Variants in DRC11 observed in about 807,000 individuals in gnomAD.
The protein encoded by DRC11 is dynein regulatory complex subunit 11.
chr2:236,457,839 G>A, the DRC11 span, among the ~76,000 whole-genome samples: 2 of 152,220 alleles, frequency 1.3e-5, no homozygotes, highest in Non-Finnish European at 2.9e-5. This position sits in a 1 kb window ranked among gnomAD's most constrained non-coding sequence, Gnocchi z 4.7. Context: ...AGCCCTGCCA[G>A]CACCTTGATG....
At chr2:236,363,768 T>C in the DRC11 span, 8 of 1,589,202 alleles carry the variant, frequency 5.0e-6, no homozygotes, top group South Asian at 7.8e-5. The surrounding 1 kb of genome is among the most constrained non-coding windows in gnomAD (Gnocchi z 5.6). Context: ...AACCAAGAAA[T>C]GTAATCCATA....
At chr2:236,459,459 A>G in the DRC11 span, among the ~76,000 whole-genome samples, 1 of 149,626 alleles carries the variant, frequency 6.7e-6, no homozygotes. Flanking sequence ...TTGGAGAAAG[A>G]ATTCCTAAAA....
At chr2:236,331,467 T>C in the DRC11 span, 6 of 1,614,034 alleles carry the variant, frequency 3.7e-6, no homozygotes, top group Non-Finnish European at 5.1e-6. This position sits in a 1 kb window ranked among gnomAD's most constrained non-coding sequence, Gnocchi z 4.8. Flanking sequence ...TTCTCTGATC[T>C]GTGAGCACGC....
chr2:236,376,779 T>G, the DRC11 span, among the ~76,000 whole-genome samples: 1 of 152,172 alleles, frequency 6.6e-6, no homozygotes, highest in Non-Finnish European at 1.5e-5. This position sits in a 1 kb window ranked among gnomAD's most constrained non-coding sequence, Gnocchi z 5.7. Flanking sequence ...TTTTTACAAG[T>G]GAAATCATTA....
chr2:236,430,839 C>T, the DRC11 span, among the ~76,000 whole-genome samples: 1 of 152,132 alleles, frequency 6.6e-6, no homozygotes, highest in Admixed American at 6.6e-5. This position sits in a 1 kb window ranked among gnomAD's most constrained non-coding sequence, Gnocchi z 6.0. Context: ...TCTTGTTTGC[C>T]AGTTGCATGG....
chr2:236,455,371 T>C, the DRC11 span, among the ~76,000 whole-genome samples: 1 of 152,190 alleles, frequency 6.6e-6, no homozygotes, highest in East Asian at 1.9e-4. This position sits in a 1 kb window ranked among gnomAD's most constrained non-coding sequence, Gnocchi z 5.7. Flanking sequence ...CAGCCCCTGG[T>C]GCTGTGCCCT....
the DRC11 span, among the ~76,000 whole-genome samples, chr2:236,426,812 C>T: frequency 6.6e-6 from 1 of 152,150 alleles, no homozygotes; most frequent in Non-Finnish European, 1.5e-5. This position sits in a 1 kb window ranked among gnomAD's most constrained non-coding sequence, Gnocchi z 4.1. Context: ...CTGGCTAGGA[C>T]TTCTGTACTA....
At chr2:236,505,624 A>C in the DRC11 span, among the ~76,000 whole-genome samples, 1 of 152,028 alleles carries the variant, frequency 6.6e-6, no homozygotes, top group Non-Finnish European at 1.5e-5. Flanking sequence ...ACTGCCCCTC[A>C]GTCACCATCA....
the DRC11 span, among the ~76,000 whole-genome samples, chr2:236,451,357 C>G: frequency 6.6e-6 from 1 of 151,132 alleles, no homozygotes; most frequent in Non-Finnish European, 1.5e-5. Context: ...AACAAAAACA[C>G]TTTACATATA....
chr2:236,413,426 T>C, the DRC11 span, among the ~76,000 whole-genome samples: 2 of 152,230 alleles, frequency 1.3e-5, no homozygotes, highest in African/African-American at 4.8e-5. The surrounding 1 kb of genome is among the most constrained non-coding windows in gnomAD (Gnocchi z 4.0). Context: ...ATTTCCTTGA[T>C]GGCACCCTCA....
At chr2:236,425,748 A>T in the DRC11 span, among the ~76,000 whole-genome samples, 1 of 151,948 alleles carries the variant, frequency 6.6e-6, no homozygotes, top group African/African-American at 2.4e-5. Context: ...GTTTTCTTAC[A>T]GTAGTTTTAT....
chr2:236,488,241 C>A, the DRC11 span: 2 of 1,341,524 alleles, frequency 1.5e-6, no homozygotes, highest in African/African-American at 2.9e-5. Flanking sequence ...TTAACCACAT[C>A]AATTGATCCC....
chr2:236,492,135 A>G, the DRC11 span, among the ~76,000 whole-genome samples: 1 of 152,194 alleles, frequency 6.6e-6, no homozygotes, highest in Non-Finnish European at 1.5e-5. Context: ...CTCCAGAACC[A>G]TAAGCAAAAT....
chr2:236,382,495 A>G, the DRC11 span, among the ~76,000 whole-genome samples: 48 of 152,068 alleles, frequency 3.2e-4, no homozygotes, highest in Non-Finnish European at 5.7e-4. Flanking sequence ...TATTTCTGGG[A>G]TTTTGATAGA....
chr2:236,357,383 A>G, the DRC11 span, among the ~76,000 whole-genome samples: 1 of 102,092 alleles, frequency 9.8e-6, no homozygotes, highest in African/African-American at 4.8e-5. Flanking sequence ...TTTATATAGT[A>G]TAGATATTAT....
At chr2:236,450,492 G>T in the DRC11 span, among the ~76,000 whole-genome samples, 5 of 151,158 alleles carry the variant, frequency 3.3e-5, no homozygotes, top group Non-Finnish European at 5.9e-5. Flanking sequence ...GCTAATTTTT[G>T]TATTTTTAGT....
the DRC11 span, among the ~76,000 whole-genome samples, chr2:236,348,008 C>T: frequency 2.3e-4 from 35 of 152,240 alleles, no homozygotes; most frequent in East Asian, 7.7e-4. The surrounding 1 kb of genome is among the most constrained non-coding windows in gnomAD (Gnocchi z 7.4). Flanking sequence ...GCTTTGCCCC[C>T]GAGCTTTCAT....
the DRC11 span, among the ~76,000 whole-genome samples, chr2:236,388,365 T>C: frequency 1.8e-4 from 26 of 148,130 alleles, no homozygotes; most frequent in African/African-American, 6.2e-4. Flanking sequence ...TCATTTCTTT[T>C]TATTCTTTTT....
chr2:236,425,009 C>A, the DRC11 span, among the ~76,000 whole-genome samples: 1 of 151,994 alleles, frequency 6.6e-6, no homozygotes, highest in Non-Finnish European at 1.5e-5. Flanking sequence ...TTTTTTAAAG[C>A]TGAATAGTGT....
Sources: gnomAD v4.1 joint callset for allele counts (sites outside exome capture counted in the v4.1 genomes callset) on GRCh38, gnomAD v4.1.1 for gene constraint, Gnocchi (gnomAD v3.1) non-coding constraint, MANE v1.5 for transcripts, NCBI Gene and HGNC (gene_info 2026-07-23, HGNC 2026-07-21) for gene names.